GYPC: variants seen among roughly 807,000 people sequenced by gnomAD.
GYPC encodes glycophorin C (Gerbich blood group).
Under a neutral mutation model 12.6 loss-of-function variants are expected in GYPC, and 14 were observed. That is an observed-to-expected ratio of 1.11 (90% CI 0.74 to 1.74). GYPC has a LOEUF of 1.74. Ranked by LOEUF, GYPC falls within the 40% of genes most tolerant of loss-of-function variation. GYPC has a pLI of 0.00. For synonymous variants in GYPC, 78 were observed against 62.1 expected (o/e 1.26, Z -1.20); for missense variants, 225 against 172.1 (o/e 1.31, Z -1.72).
chr2:126,673,444 G>A (rs186819009), intron 1 of GYPC, among the ~76,000 whole-genome samples: 11 of 152,258 alleles, frequency 7.2e-5, no homozygotes, highest in Admixed American at 2.6e-4. Context: ...TGTGCCAGTC[G>A]AGCTGCCAGT....
chr2:126,696,009 A>T lies in GYPC; in HGVS notation c.254A>T (p.Tyr85Phe), dbSNP rs143080607. ...SLLFVMLRYM[Y>F]RHKGTYHTNE... ...CTCTTCGTCATGCTGCGCTACATGT[A>T]CCGGCACAAGGGCACGTACCACACC... The change falls in exon 4 of 4, where the codon TAC (tyrosine) becomes TTC (phenylalanine). Residue 85 changes from tyrosine (Y) to phenylalanine (F), a missense_variant. Transcript: ENST00000259254. The T allele has an allele frequency of 1.7e-5, 28 of 1,614,106 alleles. No individual in the cohort carries two copies. Among genetic ancestry groups the T allele is most frequent in the East Asian group, 6.7e-5 (3 of 44,868 alleles).
At chr2:126,677,664 C>T (rs942951322) in intron 1 of GYPC, among the ~76,000 whole-genome samples, 6 of 152,096 alleles carry the variant, frequency 3.9e-5, no homozygotes, top group Admixed American at 6.5e-5. Context: ...GAGCCACACT[C>T]AGTGCTGCTT....
chr2:126,690,532 A>T (rs1365133897), intron 2 of GYPC, among the ~76,000 whole-genome samples: 3 of 152,084 alleles, frequency 2.0e-5, no homozygotes, highest in Non-Finnish European at 2.9e-5. Context: ...TGGGTAAATA[A>T]ATATACATAG....
At chr2:126,668,770 C>A (rs1340198745) in intron 1 of GYPC, among the ~76,000 whole-genome samples, 78 of 152,314 alleles carry the variant, frequency 5.1e-4, no homozygotes, top group African/African-American at 1.9e-3. Flanking sequence ...GTGGTTCTCC[C>A]CTGCCGTCAG....
intron 3 of GYPC, 71 bp downstream of exon 3, chr2:126,694,018 C>G: frequency 9.5e-7 from 1 of 1,057,574 alleles, no homozygotes. Flanking sequence ...CAGGGGAGAA[C>G]TGACCTAAGG....
intron 1 of GYPC, chr2:126,680,075 T>C (rs894291477): frequency 2.6e-5 from 4 of 152,188 alleles, no homozygotes; most frequent in African/African-American, 4.8e-5. Context: ...ATAGTATTAA[T>C]CACTCACTGT....
chr2:126,682,338 T>C (rs1022806313), intron 1 of GYPC, among the ~76,000 whole-genome samples: 1 of 152,010 alleles, frequency 6.6e-6, no homozygotes, highest in Non-Finnish European at 1.5e-5. Flanking sequence ...GAGACTGCAG[T>C]CTCAGGAGCT....
chr2:126,680,989 C>G (rs1020129564), intron 1 of GYPC, among the ~76,000 whole-genome samples: 7 of 152,144 alleles, frequency 4.6e-5, no homozygotes, highest in Non-Finnish European at 5.9e-5. Context: ...CTTAACAGAC[C>G]TTCTAGTCGG....
intron 1 of GYPC, among the ~76,000 whole-genome samples, chr2:126,684,794 C>T (rs1053424235): frequency 2.0e-5 from 3 of 152,142 alleles, no homozygotes; most frequent in African/African-American, 7.2e-5. Context: ...TCCTGGGGCT[C>T]AGTCTCACAG....
intron 1 of GYPC, among the ~76,000 whole-genome samples, chr2:126,666,683 C>A (rs1212603838): frequency 6.6e-6 from 1 of 150,738 alleles, no homozygotes; most frequent in Non-Finnish European, 1.5e-5. Context: ...GCCTTCCATT[C>A]TCCTGCCCCC....
chr2:126,686,522 G>C (rs1178084464), intron 1 of GYPC: 2 of 985,366 alleles, frequency 2.0e-6, no homozygotes, highest in African/African-American at 3.5e-5. Context: ...AGTTTAGTTG[G>C]TTCGTGGTTC....
At chr2:126,671,510 C>T (rs763154777) in intron 1 of GYPC, among the ~76,000 whole-genome samples, 10 of 152,200 alleles carry the variant, frequency 6.6e-5, no homozygotes, top group African/African-American at 9.6e-5. Context: ...CTCTCCCTAC[C>T]GGGAGGCCAT....
intron 1 of GYPC, among the ~76,000 whole-genome samples, chr2:126,668,392 A>G (rs1227001805): frequency 2.0e-5 from 3 of 152,088 alleles, no homozygotes; most frequent in Non-Finnish European, 2.9e-5. Context: ...CCAGAGCCAG[A>G]GCAGTTAACT....
Position 126,674,458 on chromosome 2 carries a change from G to C in GYPC, c.50-15797G>C, listed in dbSNP as rs563458471. 1.7e-4 allele frequency among the ~76,000 whole-genome samples: 11 copies of C among 64,032 alleles called. No homozygotes were observed. In the South Asian group the frequency reaches 4.1e-3, roughly 24 times the overall value. The allele number at this position is 64,032 out of a possible 152,430, so 42.0% of individuals were successfully genotyped here. ...GAAGGACCTGATGGGAAACAAGTGG[G>C]GGGGGAATACAGGCTCGGCAAGGCC... On this transcript the variant is annotated intron_variant, in intron 1 of 3. Transcript: ENST00000259254.
At chr2:126,687,280 A>G (rs1242172171) in intron 1 of GYPC, among the ~76,000 whole-genome samples, 1 of 152,212 alleles carries the variant, frequency 6.6e-6, no homozygotes, top group Non-Finnish European at 1.5e-5. Flanking sequence ...CGCTTCTGGA[A>G]GCCCTCTTTA....
intron 1 of GYPC, among the ~76,000 whole-genome samples, chr2:126,672,244 C>T (rs551240528): frequency 6.6e-6 from 1 of 152,276 alleles, no homozygotes; most frequent in East Asian, 1.9e-4. Flanking sequence ...GAGGAGGTGC[C>T]CTTCTGCATC....
intron 1 of GYPC, among the ~76,000 whole-genome samples, chr2:126,671,168 T>C (rs1438651226): frequency 6.6e-6 from 1 of 152,166 alleles, no homozygotes; most frequent in Non-Finnish European, 1.5e-5. Flanking sequence ...TTCCCTGACC[T>C]TCCACTGCCC....
intron 1 of GYPC, among the ~76,000 whole-genome samples, chr2:126,687,201 G>C (rs1683316319): frequency 6.6e-6 from 1 of 152,162 alleles, no homozygotes; most frequent in South Asian, 2.1e-4. Context: ...TGAGCTCTCT[G>C]CCTGGAATGC....
chr2:126,696,357 A>T lies in GYPC; in HGVS notation c.*215A>T, dbSNP rs1316063679. On this transcript the variant is annotated 3_prime_UTR_variant, in exon 4 of 4. Transcript: ENST00000259254. ...CCACTCCCAGGGACCCAGGGAGGCG[A>T]TGGCCACCCCAGAGGCCACCTTTTG... is the stretch of plus-strand genomic sequence containing the variant. 7.1e-6 allele frequency: 4 copies of T among 566,568 alleles called. No homozygotes were observed. The East Asian group carries it at 1.3e-4, about 18-fold the overall frequency. The allele number at this position is 566,568 out of a possible 1,614,324, so 35.1% of individuals were successfully genotyped here.
Sources: allele counts gnomAD v4.1 joint callset (sites outside exome capture counted in the v4.1 genomes callset), GRCh38; gene constraint gnomAD v4.1.1; transcripts MANE v1.5; gene names NCBI Gene and HGNC (gene_info 2026-07-23, HGNC 2026-07-21).